Variants in ZNF317 observed in about 807,000 individuals in gnomAD.
ZNF317 encodes KRAB-containing zinc finger protein 317.
Under a neutral mutation model 23.4 loss-of-function variants are expected in ZNF317, and 17 were observed. The ratio of observed to expected loss-of-function variants is 0.73; its 90% CI spans 0.50 to 1.09. The LOEUF is 1.09. ZNF317 is among the 50% of genes least tolerant of loss of function. The probability of loss-of-function intolerance (pLI) is 0.00; values close to 1 mark genes in which losing one functional copy is unlikely to be tolerated. For synonymous variants in ZNF317, 317 were observed against 314.9 expected (o/e 1.01, Z -0.07); for missense variants, 679 against 796.7 (o/e 0.85, Z 1.78).
At chr19:9,157,681 C>A (rs202069334) in intron 4 of ZNF317, 9 of 346,338 alleles carry the variant, frequency 2.6e-5, no homozygotes, top group Non-Finnish European at 3.1e-5. Flanking sequence ...TTTCCTATTT[C>A]TTTTTTTTTT....
At chr19:9,156,087 G>A in intron 2 of ZNF317, 46 bp downstream of exon 2, 3 of 1,612,394 alleles carry the variant, frequency 1.9e-6, no homozygotes, top group Non-Finnish European at 2.5e-6. Flanking sequence ...GAGTGCAAGT[G>A]GCCCCTGCCA....
intron 4 of ZNF317, 177 bp downstream of exon 4, chr19:9,157,571 C>T: frequency 2.5e-6 from 2 of 784,652 alleles, no homozygotes; most frequent in Admixed American, 6.1e-5. Flanking sequence ...TTGCAGGGAC[C>T]ATGGTGGTTC....
chr19:9,142,004 A>G lies in ZNF317; in HGVS notation c.-93+1412A>G, dbSNP rs907634701. Among the ~76,000 whole-genome samples the G allele has an allele frequency of 5.9e-5, 9 of 152,188 alleles. No homozygotes were observed. The South Asian group carries it at 1.7e-3, about 28-fold the overall frequency. On this transcript the variant is annotated intron_variant, in intron 1 of 6. Transcript: ENST00000247956. The stretch of plus-strand genomic sequence containing the variant: ...TATTTTTAGTGGAGATGGGGTTTCA[A>G]CATGTTGGCCAGGCTGGTCTCGATC...
chr19:9,146,815 T>TC (rs1266235748), intron 1 of ZNF317, among the ~76,000 whole-genome samples: 2 of 152,202 alleles, frequency 1.3e-5, no homozygotes, highest in Admixed American at 1.3e-4. Flanking sequence ...AATTATTCTC[T>TC]CTACAGTATT....
intron 1 of ZNF317, among the ~76,000 whole-genome samples, chr19:9,146,025 A>C (rs534988441): frequency 2.2e-4 from 33 of 152,044 alleles, no homozygotes; most frequent in Non-Finnish European, 3.8e-4. Flanking sequence ...ATAATCTAAA[A>C]GCTATTTACT....
intron 1 of ZNF317, among the ~76,000 whole-genome samples, chr19:9,143,340 A>G (rs1401645692): frequency 6.6e-6 from 1 of 151,990 alleles, no homozygotes; most frequent in Non-Finnish European, 1.5e-5. Context: ...TATGATATAT[A>G]TGTTTTCTAT....
chr19:9,141,052 CTTTT>C (rs765341416), intron 1 of ZNF317, among the ~76,000 whole-genome samples: 1 of 150,834 alleles, frequency 6.6e-6, no homozygotes, highest in South Asian at 2.1e-4. Context: ...TCTGGTTGCA[CTTTT>C]TTATTTATTT....
At chr19:9,157,576 T>G in intron 4 of ZNF317, 182 bp downstream of exon 4, 1 of 766,990 alleles carries the variant, frequency 1.3e-6, no homozygotes, top group Non-Finnish European at 2.0e-6. Context: ...GGGACCATGG[T>G]GGTTCTCCGG....
intron 1 of ZNF317, among the ~76,000 whole-genome samples, chr19:9,153,460 G>C (rs1203991800): frequency 1.3e-5 from 2 of 152,168 alleles, no homozygotes; most frequent in Non-Finnish European, 2.9e-5. Flanking sequence ...ACTGCACCTG[G>C]CTGGAACTGG....
chr19:9,153,330 T>C (rs1265919386), intron 1 of ZNF317, among the ~76,000 whole-genome samples: 1 of 149,142 alleles, frequency 6.7e-6, no homozygotes, highest in Non-Finnish European at 1.5e-5. Context: ...CCCAGCTAAT[T>C]CTTTGTATTT....
At chr19:9,142,094 C>T (rs757887536) in intron 1 of ZNF317, among the ~76,000 whole-genome samples, 8 of 152,180 alleles carry the variant, frequency 5.3e-5, no homozygotes, top group Non-Finnish European at 8.8e-5. Flanking sequence ...GAGAGAGCCA[C>T]GATGTCCGGC....
At chr19:9,143,889 T>C (rs575340215) in intron 1 of ZNF317, among the ~76,000 whole-genome samples, 1 of 151,782 alleles carries the variant, frequency 6.6e-6, no homozygotes, top group East Asian at 1.9e-4. Flanking sequence ...TGCCTTAATC[T>C]ATTCTGTCTG....
At chr19:9,151,907 C>G (rs1445082468) in intron 1 of ZNF317, among the ~76,000 whole-genome samples, 5 of 128,810 alleles carry the variant, frequency 3.9e-5, no homozygotes, top group Non-Finnish European at 8.1e-5. Context: ...TGGTCCTGGA[C>G]TTTTTTTTTT....
Position 9,161,413 on chromosome 19 carries a change from G to A in ZNF317, c.1768G>A (p.Val590Met), listed in dbSNP as rs779918100. Residue 590 changes from valine (V) to methionine (M), a missense_variant, in exon 7 of 7, where the codon GTG becomes ATG. Coordinates refer to ENST00000247956, the MANE Select transcript of ZNF317 (RefSeq NM_020933.5). The surrounding 1 kb of genome is among the most constrained non-coding windows in gnomAD (Gnocchi z 4.0). The stretch of plus-strand genomic sequence containing the variant: ...GGGAGAGAAGCTCTTTGTGTCATCC[G>A]TGTGGAAAAGGCTCCAGTGAGCGCG... ...HRGEKLFVSS[V>M]WKRLQ 36 of 1,612,234 alleles carry A rather than the reference G, an allele frequency of 2.2e-5. No homozygotes were observed. The highest frequency in any genetic ancestry group is 1.5e-4 in the Admixed American group (9 of 59,962).
Position 9,155,946 on chromosome 19 carries a change from T to G in ZNF317, c.-71T>G. 337 of 1,592,196 alleles carry G rather than the reference T, an allele frequency of 2.1e-4. No individual in the cohort carries two copies. The highest frequency in any genetic ancestry group is 2.6e-4 in the Non-Finnish European group (306 of 1,160,094). The stretch of plus-strand genomic sequence containing the variant: ...ACAGATGCCAGCTTGGAGAGTCACG[T>G]GAGAGCAAGAGAGTAGCTTTCTGGT... On this transcript the variant is annotated 5_prime_UTR_variant, in exon 2 of 7. It removes the in-frame stop codon of an upstream open reading frame in the 5' UTR. Transcript: ENST00000247956.
At chr19:9,158,331 A>G (rs1031606922) in intron 5 of ZNF317, among the ~76,000 whole-genome samples, 13 of 145,048 alleles carry the variant, frequency 9.0e-5, no homozygotes, top group Non-Finnish European at 1.5e-4. Flanking sequence ...GTCATTATCA[A>G]CATCATCTGA....
intron 1 of ZNF317, among the ~76,000 whole-genome samples, chr19:9,145,315 G>GTCT (rs2050673521): frequency 6.6e-6 from 1 of 152,068 alleles, no homozygotes; most frequent in African/African-American, 2.4e-5. Context: ...TTGAGACAGG[G>GTCT]TCTTGGTATG....
At position 9,160,656 on chromosome 19, in the gene ZNF317, C is replaced by T. The variant is rs143989233; in HGVS notation, c.1011C>T (p.His337=). 3 of 1,613,970 alleles carry T rather than the reference C, an allele frequency of 1.9e-6. No individual in the cohort carries two copies. The highest frequency in any genetic ancestry group is 1.7e-6 in the Non-Finnish European group (2 of 1,180,024). Residue 337 remains histidine, a synonymous_variant, in exon 7 of 7, where the codon CAC becomes CAT. Transcript: ENST00000247956. The surrounding 1 kb of genome is among the most constrained non-coding windows in gnomAD (Gnocchi z 6.8). ...THTGERPYEC[H]DCGKAFQHPS... The stretch of plus-strand genomic sequence containing the variant: ...CCGGAGAGAGGCCCTACGAGTGTCA[C>T]GACTGTGGGAAAGCTTTCCAGCACC...
Position 9,162,544 on chromosome 19 carries a change from TACTC to T in ZNF317, c.*1112_*1115del. 1 of 145,000 alleles carries T rather than the reference TACTC, an allele frequency of 6.9e-6. No homozygotes were observed. Among genetic ancestry groups the T allele is most frequent in the South Asian group, 2.2e-4 (1 of 4,622 alleles). The allele number at this position is 145,000 out of a possible 1,614,324, so 9.0% of individuals were successfully genotyped here. A position where few individuals can be genotyped will look rare whatever the true frequency, so the allele number is the denominator to read the frequency against. On this transcript the variant is annotated 3_prime_UTR_variant, in exon 7 of 7. Coordinates refer to ENST00000247956, the MANE Select transcript of ZNF317 (RefSeq NM_020933.5). ...TTTCCGGTGAATACGGGATTGCACT[TACTC>T]TTTCATCACGGAAACAGACCCCCCG...
Sources: allele counts gnomAD v4.1 joint callset (sites outside exome capture counted in the v4.1 genomes callset), GRCh38; gene constraint gnomAD v4.1.1; non-coding constraint Gnocchi (gnomAD v3.1); transcripts MANE v1.5; gene names NCBI Gene and HGNC (gene_info 2026-07-23, HGNC 2026-07-21).